Variants in LRP2 observed in about 807,000 individuals in gnomAD.
LRP2 encodes low-density lipoprotein receptor-related protein 2.
A neutral mutation model predicts 531.0 loss-of-function variants in LRP2; 172 were observed. The ratio of observed to expected loss-of-function variants is 0.32; its 90% CI spans 0.29 to 0.37. LRP2 has a LOEUF of 0.37. Ranked by LOEUF, LRP2 falls within the 10% of genes least tolerant of loss-of-function variation. The pLI, the probability that LRP2 is intolerant of heterozygous loss-of-function variation, is 1.00. For synonymous variants in LRP2, 1,992 were observed against 2,027.6 expected (o/e 0.98, Z 0.47); for missense variants, 5,167 against 5,868.3 (o/e 0.88, Z 3.90).
rs747178274 is a variant in LRP2, at chr2:169,172,110, C to A, written c.11168G>T (p.Gly3723Val). The A allele has an allele frequency of 6.2e-7, 1 of 1,614,184 alleles. No homozygotes were observed. Among genetic ancestry groups the A allele is most frequent in the Non-Finnish European group, 8.5e-7 (1 of 1,180,020 alleles). ...GCEERTCHPV[G>V]DFRCKNHHCI... ...GTGGTGATTTTTACAGCGGAAATCC[C>A]CCACAGGATGGCATGTCCTCTCCTC... Residue 3723 changes from glycine (G) to valine (V), a missense_variant, in exon 58 of 79, where the codon GGG becomes GTG. Around this residue, in one of 6 missense-constraint regions of LRP2, gnomAD observed 311 missense variants for 309.4 expected, o/e 1.01. Transcript: ENST00000649046.
chr2:169,336,959 G>A (rs576380012), intron 1 of LRP2, among the ~76,000 whole-genome samples: 1 of 152,172 alleles, frequency 6.6e-6, no homozygotes, highest in Admixed American at 6.5e-5. Context: ...AGAGGGAAAA[G>A]CAACTTAAAC....
At chr2:169,260,228 A>G (rs992625631) in intron 16 of LRP2, among the ~76,000 whole-genome samples, 1 of 152,146 alleles carries the variant, frequency 6.6e-6, no homozygotes, top group African/African-American at 2.4e-5. Flanking sequence ...AGGCCAAGAG[A>G]CAAAAATAAA....
At chr2:169,202,652 A>G (rs968015975) in intron 43 of LRP2, 104 bp downstream of exon 43, 2 of 1,179,942 alleles carry the variant, frequency 1.7e-6, no homozygotes, top group African/African-American at 3.0e-5. Context: ...CAGGATGCCT[A>G]GGCACACATT....
At chr2:169,227,250 T>C (rs1162452667) in intron 31 of LRP2, among the ~76,000 whole-genome samples, 1 of 152,200 alleles carries the variant, frequency 6.6e-6, no homozygotes, top group African/African-American at 2.4e-5. Context: ...ATAAAATAGT[T>C]GCCCAATAAA....
rs149253726 is a variant in LRP2, at chr2:169,271,009, T to A, written c.2215A>T (p.Asn739Tyr). The A allele has an allele frequency of 6.2e-7, 1 of 1,613,084 alleles. No homozygotes were observed. Among genetic ancestry groups the A allele is most frequent in the African/African-American group, 1.3e-5 (1 of 74,800 alleles). Residue 739 changes from asparagine to tyrosine, a missense_variant, in exon 16 of 79, where the codon AAT (asparagine) becomes TAT (tyrosine). Physicochemically the swap from Asn to Tyr is moderately radical, Grantham distance 143 (BLOSUM62 -2). This residue lies in a region of LRP2 where 2,811 missense variants were observed against 3,058.0 expected (regional missense o/e 0.92). Transcript: ENST00000649046. The part of the protein sequence containing the change: ...QEDVMVPVSG[N>Y]PSFFVGIDFD... ...TCAATCCCGACAAAGAAAGAAGGAT[T>A]CCCCGAAACTGGAACCATGACATCT...
At chr2:169,291,876 A>C (rs1684007339) in intron 7 of LRP2, among the ~76,000 whole-genome samples, 1 of 152,180 alleles carries the variant, frequency 6.6e-6, no homozygotes, top group African/African-American at 2.4e-5. Context: ...GACAAATGAC[A>C]TTTTCCCTAT....
chr2:169,192,721 C>T (rs1179817308), intron 47 of LRP2, among the ~76,000 whole-genome samples: 1 of 152,174 alleles, frequency 6.6e-6, no homozygotes, highest in Non-Finnish European at 1.5e-5. Context: ...TATCCAGACT[C>T]ATTGCAGGTG....
chr2:169,209,743 G>T, intron 37 of LRP2, 102 bp from the exon 38 acceptor site: 1 of 1,085,908 alleles, frequency 9.2e-7, no homozygotes, highest in Non-Finnish European at 1.4e-6. Flanking sequence ...CCCCTGCTCT[G>T]AGCATCTCCC....
chr2:169,142,785 G>T lies in LRP2; in HGVS notation c.12997C>A (p.Leu4333Ile), dbSNP rs1042450309. The T allele has an allele frequency of 3.1e-6, 5 of 1,613,870 alleles. No homozygotes were observed. In the African/African-American group the frequency reaches 4.0e-5, roughly 13 times the overall value. ...QLRYNKSVPN[L>I]CKQICSHLCL... The stretch of plus-strand genomic sequence containing the variant: ...AGGTGGCTGCAGATCTGTTTGCAAA[G>T]GTTGGGCACTGGAAAGCGGGTGAGA... Residue 4333 changes from leucine (L) to isoleucine (I), a missense_variant, in exon 71 of 79, where the codon CTT becomes ATT. Transcript: ENST00000649046.
intron 31 of LRP2, among the ~76,000 whole-genome samples, chr2:169,229,156 G>A (rs926070642): frequency 6.6e-6 from 1 of 152,176 alleles, no homozygotes; most frequent in Non-Finnish European, 1.5e-5. Context: ...TGAAGGGGTA[G>A]GCACAGAATC....
intron 76 of LRP2, among the ~76,000 whole-genome samples, chr2:169,135,145 A>C (rs1395963766): frequency 2.0e-5 from 3 of 152,064 alleles, no homozygotes; most frequent in Non-Finnish European, 4.4e-5. Context: ...GCCACTAGCC[A>C]GTCTCTTAGA....
rs1685156199 is a variant in LRP2 at position 169,128,023 on chromosome 2, C to G, written c.*640G>C. 6.5e-6 allele frequency: 1 copy of G among 152,830 alleles called. No homozygotes were observed. Among genetic ancestry groups the G allele is most frequent in the South Asian group, 2.1e-4 (1 of 4,830 alleles). 9.5% of individuals were successfully genotyped at this position (152,830 alleles called of 1,614,324 possible). A position where few individuals can be genotyped will look rare whatever the true frequency, so the allele number is the denominator to read the frequency against. On this transcript the variant is annotated 3_prime_UTR_variant, in exon 79 of 79. Coordinates refer to ENST00000649046, the MANE Select transcript of LRP2 (RefSeq NM_004525.3). ...GAGAACACACATGAAACAGAGAGTTCTGGTTAGACAATGCCAACACACAGA... is the reference window on the plus strand; with the variant it reads ...GAGAACACACATGAAACAGAGAGTTGTGGTTAGACAATGCCAACACACAGA...
chr2:169,139,480 G>A lies in LRP2; in HGVS notation c.13267+63C>T, dbSNP rs532980733. The A allele has an allele frequency of 8.5e-5, 137 of 1,611,642 alleles. 2 individuals carry two copies. In the South Asian group the frequency reaches 1.4e-3, roughly 16 times the overall value. ...AAAGACTGGGTTAAGTAGAAAAGCTGTGACAGCATTCAATGTAGGGGCCAT... is the reference window on the plus strand; with the variant it reads ...AAAGACTGGGTTAAGTAGAAAAGCTATGACAGCATTCAATGTAGGGGCCAT... On this transcript the variant is annotated intron_variant, in intron 73 of 78. Transcript: ENST00000649046.
At chr2:169,291,394 G>A (rs975743643) in intron 7 of LRP2, among the ~76,000 whole-genome samples, 1 of 152,156 alleles carries the variant, frequency 6.6e-6, no homozygotes, top group African/African-American at 2.4e-5. Flanking sequence ...GATTTGCTTT[G>A]TTTATTTAGT....
intron 31 of LRP2, among the ~76,000 whole-genome samples, chr2:169,227,973 T>G (rs1689261553): frequency 6.6e-6 from 1 of 152,148 alleles, no homozygotes; most frequent in African/African-American, 2.4e-5. Flanking sequence ...AGGCCCTTCT[T>G]CTCTCAGCTG....
Position 169,349,941 on chromosome 2 carries a change from G to A in LRP2, c.79+12380C>T, listed in dbSNP as rs536346899. 2.0e-5 allele frequency among the ~76,000 whole-genome samples: 3 copies of A among 152,282 alleles called. No individual in the cohort carries two copies. The South Asian group carries it at 6.2e-4, about 32-fold the overall frequency. ...AAACCATGGGAGCTTCTGAGCAGAGGGGTGCTGTGATCTGACTGATGTTCT... is the reference window on the plus strand; with the variant it reads ...AAACCATGGGAGCTTCTGAGCAGAGAGGTGCTGTGATCTGACTGATGTTCT... On this transcript the variant is annotated intron_variant, in intron 1 of 78. Transcript: ENST00000649046.
In LRP2 at chr2:169,157,434, C is replaced by CTGG; in HGVS notation, c.11955_11956insCCA (p.Gly3985_Gly3986insPro). On this transcript the variant is annotated inframe_insertion, in exon 64 of 79. Transcript: ENST00000649046. ...CCAGCTGTACAGGAGCAGATAAATC[C>CTGG]TCCTTCATTTAATTGGGTACAATTT... 1 of 1,533,496 alleles carries CTGG rather than the reference C, an allele frequency of 6.5e-7. No individual in the cohort carries two copies. The highest frequency in any genetic ancestry group is 9.0e-7 in the Non-Finnish European group (1 of 1,108,482). The allele number at this position is 1,533,496 out of a possible 1,614,324, so 95.0% of individuals were successfully genotyped here.
intron 16 of LRP2, among the ~76,000 whole-genome samples, chr2:169,266,186 A>G (rs1690791736): frequency 1.3e-5 from 2 of 151,976 alleles, no homozygotes; most frequent in African/African-American, 4.8e-5. Context: ...GAATGGGGGG[A>G]GGGAAGTCAG....
At chr2:169,337,332 A>G (rs945967497) in intron 1 of LRP2, among the ~76,000 whole-genome samples, 1 of 152,154 alleles carries the variant, frequency 6.6e-6, no homozygotes, top group Non-Finnish European at 1.5e-5. Context: ...AGGGGAACAG[A>G]GTATCTTATC....
Sources: allele counts gnomAD v4.1 joint callset (sites outside exome capture counted in the v4.1 genomes callset), GRCh38; gene constraint gnomAD v4.1.1; regional missense constraint gnomAD v4.1.1; transcripts MANE v1.5; gene names NCBI Gene and HGNC (gene_info 2026-07-23, HGNC 2026-07-21).